The following TRABD2B variants were observed in gnomAD, a reference collection of about 807,000 sequenced individuals.
TRABD2B encodes the protein metalloprotease TIKI2.
TRABD2B carries 14 observed loss-of-function variants against 40.1 expected under a neutral mutation model. The ratio of observed to expected loss-of-function variants is 0.35; its 90% confidence interval spans 0.23 to 0.55. The LOEUF (loss-of-function observed/expected upper bound fraction) is 0.55, where lower values mean the gene tolerates loss of function less well. Among genes scored for constraint, TRABD2B ranks in the 20% least tolerant of loss-of-function variants. The probability of loss-of-function intolerance (pLI) is 0.90; values close to 1 mark genes in which losing one functional copy is unlikely to be tolerated. For missense variants in TRABD2B, 541 were observed against 648.6 expected (o/e 0.83, Z 1.80); for synonymous variants, 263 against 277.0 (o/e 0.95, Z 0.50).
intron 2 of TRABD2B, among the ~76,000 whole-genome samples, chr1:47,822,341 C>G (rs1239004140): frequency 1.3e-5 from 2 of 152,218 alleles, no homozygotes; most frequent in Non-Finnish European, 2.9e-5. Context: ...AATTAGGCCC[C>G]TGCCTGGTTT....
chr1:47,784,917 G>C (rs923263773), intron 4 of TRABD2B, among the ~76,000 whole-genome samples: 1 of 152,214 alleles, frequency 6.6e-6, no homozygotes, highest in African/African-American at 2.4e-5. Context: ...TGGAGAGGGG[G>C]AGATGGGCAG....
chr1:47,992,825 G>T (rs1057404701), intron 2 of TRABD2B, among the ~76,000 whole-genome samples: 33 of 152,322 alleles, frequency 2.2e-4, no homozygotes, highest in Non-Finnish European at 2.9e-4. Flanking sequence ...TGCCACTGGG[G>T]CCCTCTGGGT....
At chr1:47,894,472 G>A (rs1464433450) in intron 2 of TRABD2B, among the ~76,000 whole-genome samples, 1 of 152,158 alleles carries the variant, frequency 6.6e-6, no homozygotes, top group Non-Finnish European at 1.5e-5. Context: ...ATTCCAGTGG[G>A]GAGACACACA....
At chr1:47,932,911 G>C (rs1645058036) in intron 2 of TRABD2B, among the ~76,000 whole-genome samples, 1 of 152,134 alleles carries the variant, frequency 6.6e-6, no homozygotes, top group Non-Finnish European at 1.5e-5. Context: ...GTTGATACTG[G>C]GGTTCTTGGT....
At chr1:47,909,713 A>G (rs1274555396) in intron 2 of TRABD2B, among the ~76,000 whole-genome samples, 6 of 148,680 alleles carry the variant, frequency 4.0e-5, no homozygotes, top group Non-Finnish European at 9.0e-5. Flanking sequence ...TCCATGACCC[A>G]AACACCTCCC....
chr1:47,867,360 C>T (rs1051493027), intron 2 of TRABD2B, among the ~76,000 whole-genome samples: 2 of 152,162 alleles, frequency 1.3e-5, no homozygotes, highest in Admixed American at 6.5e-5. Context: ...GTGGGCTGCA[C>T]GTGCTGCTTC....
In TRABD2B at chr1:47,823,995, C is replaced by T. The variant is rs1310071269; in HGVS notation, c.667-22376G>A. On this transcript the variant is annotated intron_variant, in intron 2 of 6. Transcript: ENST00000606738. ...GATAATGTGGACAGCTTCTTGGGTC[C>T]CCTGCTTGGGGGAATGGGTGTATCC... 2.0e-5 allele frequency among the ~76,000 whole-genome samples: 3 copies of T among 152,122 alleles called. No individual in the cohort carries two copies. In the East Asian group the frequency reaches 5.8e-4, roughly 29 times the overall value.
chr1:47,854,795 T>C (rs777339034), intron 2 of TRABD2B, among the ~76,000 whole-genome samples: 4 of 152,126 alleles, frequency 2.6e-5, no homozygotes, highest in African/African-American at 4.8e-5. Context: ...TTGTTTGGTG[T>C]TTGTTTATTG....
At position 47,996,409 on chromosome 1, in the gene TRABD2B, G is replaced by A. The variant is rs1477269421; in HGVS notation, c.102+279C>T. On this transcript the variant is annotated intron_variant, in intron 1 of 6. Transcript: ENST00000606738. The surrounding 1 kb of genome is among the most constrained non-coding windows in gnomAD (Gnocchi z 4.6). ...GAAAGGAGAGACAAAAAGGGGCAGA[G>A]AGAGAGGAGGCGTCCAAGCAGGACC... is the stretch of plus-strand genomic sequence containing the variant. Among the ~76,000 whole-genome samples, 3 of 152,212 alleles carry A rather than the reference G, an allele frequency of 2.0e-5. No individual in the cohort carries two copies. The highest frequency in any genetic ancestry group is 4.4e-5 in the Non-Finnish European group (3 of 68,036).
In TRABD2B at chr1:47,960,716, C is replaced by A. The variant is rs985500199; in HGVS notation, c.666+33318G>T. ...ACTGCTCAAGGAAATAAAAGAGGAC[C>A]CAAACAAACAGAAGAACATTCCACG... On this transcript the variant is annotated intron_variant, in intron 2 of 6. Coordinates refer to ENST00000606738, the MANE Select transcript of TRABD2B (RefSeq NM_001194986.2). 2.0e-3 allele frequency among the ~76,000 whole-genome samples: 302 copies of A among 152,114 alleles called. 3 individuals are homozygous for A. The highest frequency in any genetic ancestry group is 2.6e-3 in the Non-Finnish European group (178 of 68,000).
At position 47,820,946 on chromosome 1, in the gene TRABD2B, C is replaced by T. The variant is rs116615770; in HGVS notation, c.667-19327G>A. Among the ~76,000 whole-genome samples the T allele has an allele frequency of 5.5e-3, 833 of 152,328 alleles. 8 individuals carry two copies. The highest frequency in any genetic ancestry group is 0.019 in the African/African-American group (788 of 41,572). ...GTCACTCAGGTAGTAGCAGGAAGTT[C>T]TGACCTCAAAGAGTTCTTTCCTTCC... On this transcript the variant is annotated intron_variant, in intron 2 of 6. Transcript: ENST00000606738.
intron 2 of TRABD2B, among the ~76,000 whole-genome samples, chr1:47,991,277 G>A (rs760213565): frequency 7.9e-5 from 12 of 152,242 alleles, no homozygotes; most frequent in East Asian, 1.9e-4. Flanking sequence ...GTGGAAAAGC[G>A]TGTGGAGCCT....
intron 2 of TRABD2B, among the ~76,000 whole-genome samples, chr1:47,948,180 G>A (rs1375738143): frequency 1.3e-5 from 2 of 152,178 alleles, no homozygotes; most frequent in Non-Finnish European, 2.9e-5. Flanking sequence ...AATAGGCTCT[G>A]GGACAGTGGG....
intron 2 of TRABD2B, among the ~76,000 whole-genome samples, chr1:47,924,171 C>T (rs1644941655): frequency 6.6e-6 from 1 of 152,142 alleles, no homozygotes; most frequent in Non-Finnish European, 1.5e-5. Context: ...TACCAGAGTC[C>T]CTGTCCAGGT....
At chr1:47,800,125 C>T (rs11211605) in intron 3 of TRABD2B, among the ~76,000 whole-genome samples, 35,871 of 151,744 alleles carry the variant, frequency 0.24, 4,477 homozygotes, top group East Asian at 0.46. Context: ...TAAAACAGAC[C>T]GAACTCCCTG....
intron 2 of TRABD2B, among the ~76,000 whole-genome samples, chr1:47,883,181 C>T (rs532204723): frequency 5.2e-4 from 79 of 152,258 alleles, no homozygotes; most frequent in African/African-American, 1.8e-3. Context: ...GGCCAGGAAA[C>T]GGAGGTTCAG....
chr1:47,939,252 G>A (rs1469874549), intron 2 of TRABD2B, among the ~76,000 whole-genome samples: 1 of 151,992 alleles, frequency 6.6e-6, no homozygotes, highest in South Asian at 2.1e-4. Context: ...AGTTTTTGAG[G>A]TCAAAATCCA....
chr1:47,795,940 T>C (rs573002996), intron 3 of TRABD2B, among the ~76,000 whole-genome samples: 3 of 152,214 alleles, frequency 2.0e-5, no homozygotes, highest in African/African-American at 7.2e-5. Context: ...GGGAACAGCA[T>C]TAACAGGGTC....
chr1:47,980,432 T>C (rs1184725165), intron 2 of TRABD2B, among the ~76,000 whole-genome samples: 1 of 152,094 alleles, frequency 6.6e-6, no homozygotes, highest in African/African-American at 2.4e-5. Flanking sequence ...CATAGGACCC[T>C]CCAGATCACC....
Sources: gnomAD v4.1 joint callset for allele counts (sites outside exome capture counted in the v4.1 genomes callset) on GRCh38, gnomAD v4.1.1 for gene constraint, Gnocchi (gnomAD v3.1) non-coding constraint, MANE v1.5 for transcripts, NCBI Gene and HGNC (gene_info 2026-07-23, HGNC 2026-07-21) for gene names.